The following NEDD1 variants were observed in gnomAD, a reference collection of about 807,000 sequenced individuals.
NEDD1 encodes the protein protein NEDD1.
Under a neutral mutation model 74.0 loss-of-function variants are expected in NEDD1, and 33 were observed. The ratio of observed to expected loss-of-function variants is 0.45; its 90% CI spans 0.34 to 0.60. The LOEUF (loss-of-function observed/expected upper bound fraction) is 0.60. NEDD1 is among the 20% of genes least tolerant of loss of function. The pLI, the probability that NEDD1 is intolerant of heterozygous loss-of-function variation, is 0.01. For synonymous variants in NEDD1, 250 were observed against 264.4 expected (o/e 0.95, Z 0.53); for missense variants, 746 against 776.5 (o/e 0.96, Z 0.47).
intron 6 of NEDD1, among the ~76,000 whole-genome samples, chr12:96,925,752 A>G (rs1250203273): frequency 1.3e-5 from 2 of 152,198 alleles, no homozygotes; most frequent in African/African-American, 4.8e-5. Flanking sequence ...AATTAAATAT[A>G]TCTTTTAGTT....
rs756932203 is a variant in NEDD1, at chr12:96,909,835, G to A, written c.76G>A (p.Asp26Asn). Residue 26 changes from aspartate to asparagine, a missense_variant, in exon 3 of 16, where the codon GAT (aspartate) becomes AAT (asparagine). Transcript: ENST00000266742. ...IWDASSMTLV[D>N]KFNPHTSPHG... ...GGATGCTTCATCTATGACATTGGTG[G>A]ATAAATTCAACCCACACACATCACC... The A allele has an allele frequency of 6.8e-6, 11 of 1,613,362 alleles. No homozygotes were observed. In the South Asian group the frequency reaches 8.8e-5, roughly 13 times the overall value.
In NEDD1 at chr12:96,936,783, G is replaced by A; in HGVS notation, c.892G>A (p.Ala298Thr). The A allele has an allele frequency of 6.2e-7, 1 of 1,610,162 alleles. No individual in the cohort carries two copies. The highest frequency in any genetic ancestry group is 8.5e-7 in the Non-Finnish European group (1 of 1,176,614). ...TCACAAGACATCTGTGCAGTGTATA[G>A]CATTTCAGTACTCCACTGTTCTTAC... is the stretch of plus-strand genomic sequence containing the variant. ...SAHKTSVQCI[A>T]FQYSTVLTKS... Residue 298 changes from alanine to threonine, a missense_variant, in exon 8 of 16, where the codon GCA (alanine) becomes ACA (threonine). Ala to Thr is a moderately conservative substitution (Grantham distance 58). This residue lies in a region of NEDD1 where 706 missense variants were observed against 706.7 expected (regional missense o/e 1.00). Coordinates refer to ENST00000266742, the MANE Select transcript of NEDD1 (RefSeq NM_152905.4).
chr12:96,923,788 TTGTGTGTGTGTGTGTGTGTGTGTGTG>T (rs10528785), intron 6 of NEDD1, among the ~76,000 whole-genome samples: 2 of 142,250 alleles, frequency 1.4e-5, no homozygotes, highest in African/African-American at 5.1e-5. Flanking sequence ...TAATACCTGT[TTGTGTGTGTGTGTGTGTGTGTGTGTG>T]TGTGTGTGTG....
chr12:96,909,261 G>A (rs1410526086), intron 2 of NEDD1, among the ~76,000 whole-genome samples: 2 of 151,986 alleles, frequency 1.3e-5, no homozygotes, highest in Non-Finnish European at 2.9e-5. Flanking sequence ...AAACTGCTAA[G>A]TCCCTTACCA....
intron 3 of NEDD1, 112 bp from the exon 4 acceptor site, chr12:96,912,611 A>G (rs973567339): frequency 4.6e-5 from 28 of 614,522 alleles, no homozygotes; most frequent in Non-Finnish European, 7.9e-5. Context: ...TCTGTAAGCT[A>G]TACTCATTGC....
rs1237151553 is a variant in NEDD1, at chr12:96,942,625, GTAAGAA to G, written c.1294+2_1294+7del. On this transcript the variant is annotated splice_donor_variant and splice_donor_5th_base_variant and intron_variant, in intron 11 of 15. Transcript: ENST00000266742. LOFTEE classifies it high-confidence loss of function. Reference sequence around the variant, plus strand: ...GATGAGTCCATAGGCAAAGGAGATGGTAAGAACTACTTAGAAGTATTTTCGTGAAAA... The same window carrying G: ...GATGAGTCCATAGGCAAAGGAGATGGCTACTTAGAAGTATTTTCGTGAAAA... The G allele has an allele frequency of 4.9e-6, 7 of 1,431,396 alleles. No homozygotes were observed. The Admixed American group carries it at 5.1e-5, about 10-fold the overall frequency. The allele number at this position is 1,431,396 out of a possible 1,614,324, so 88.7% of individuals were successfully genotyped here.
chr12:96,938,260 T>G (rs1158824441), intron 9 of NEDD1, among the ~76,000 whole-genome samples: 2 of 152,048 alleles, frequency 1.3e-5, no homozygotes, highest in African/African-American at 4.8e-5. Flanking sequence ...TGTATCATCC[T>G]TATATAAGAG....
At chr12:96,929,354 TATTTTTTTTTTCCTTAATGTCTTGTA>T (rs1297663056) in intron 6 of NEDD1, among the ~76,000 whole-genome samples, 1 of 43,172 alleles carries the variant, frequency 2.3e-5, no homozygotes, top group Non-Finnish European at 4.8e-5. Context: ...TAATGTCTTG[TATTTTTTTTTTCCTTAATGTCTTGTA>T]TTTTTTTTTT....
chr12:96,938,751 C>T (rs2136595717), intron 9 of NEDD1, among the ~76,000 whole-genome samples: 1 of 152,166 alleles, frequency 6.6e-6, no homozygotes, highest in South Asian at 2.1e-4. Context: ...TACCCTTTGG[C>T]AGATGCACTT....
At chr12:96,943,898 TACA>T in intron 12 of NEDD1, 136 bp downstream of exon 12, 1 of 598,550 alleles carries the variant, frequency 1.7e-6, no homozygotes, top group Middle Eastern at 4.4e-4. Context: ...TTTTAATAAC[TACA>T]GAATACTTTG....
intron 14 of NEDD1, among the ~76,000 whole-genome samples, chr12:96,949,182 T>G (rs1433582328): frequency 6.6e-6 from 1 of 152,202 alleles, no homozygotes; most frequent in Non-Finnish European, 1.5e-5. Flanking sequence ...CAGAGGTAAA[T>G]GAAGAGCTTA....
At position 96,916,630 on chromosome 12, in the gene NEDD1, C is replaced by T. The variant is rs201146185; in HGVS notation, c.232-991C>T. Among the ~76,000 whole-genome samples the T allele has an allele frequency of 4.2e-4, 62 of 148,444 alleles. No individual in the cohort carries two copies. In the East Asian group the frequency reaches 0.012, roughly 29 times the overall value. ...ATAGTATTCCATGGTGTATATGTGCCACATTTTCTTAATCCAGTCTATCAT... is the reference window on the plus strand; with the variant it reads ...ATAGTATTCCATGGTGTATATGTGCTACATTTTCTTAATCCAGTCTATCAT... On this transcript the variant is annotated intron_variant, in intron 4 of 15. Transcript: ENST00000266742.
At chr12:96,920,185 A>T (rs1874916805) in intron 6 of NEDD1, 60 bp downstream of exon 6, 3 of 1,037,946 alleles carry the variant, frequency 2.9e-6, no homozygotes, top group East Asian at 2.8e-5. Context: ...TGTATCTTAC[A>T]TAAGACTGTG....
In NEDD1 at chr12:96,942,639, G is replaced by C; in HGVS notation, c.1294+15G>C. On this transcript the variant is annotated intron_variant, in intron 11 of 15. Coordinates refer to ENST00000266742, the MANE Select transcript of NEDD1 (RefSeq NM_152905.4). ...CAAAGGAGATGGTAAGAACTACTTA[G>C]AAGTATTTTCGTGAAAATGAAAAGT... 1 of 1,358,656 alleles carries C rather than the reference G, an allele frequency of 7.4e-7. No individual in the cohort carries two copies. Among genetic ancestry groups the C allele is most frequent in the Non-Finnish European group, 1.1e-6 (1 of 951,136 alleles). The allele number at this position is 1,358,656 out of a possible 1,614,324, so 84.2% of individuals were successfully genotyped here.
intron 14 of NEDD1, among the ~76,000 whole-genome samples, chr12:96,949,778 T>G (rs575008733): frequency 6.6e-6 from 1 of 152,224 alleles, no homozygotes; most frequent in South Asian, 2.1e-4. Flanking sequence ...CATTGCAGAT[T>G]TATGTGCAAA....
chr12:96,941,303 T>C (rs1877639787), intron 10 of NEDD1, among the ~76,000 whole-genome samples: 1 of 152,076 alleles, frequency 6.6e-6, no homozygotes, highest in Non-Finnish European at 1.5e-5. Context: ...ATCCACTCAT[T>C]ATCTTATACA....
chr12:96,926,096 G>T (rs756362623), intron 6 of NEDD1, among the ~76,000 whole-genome samples: 21 of 152,032 alleles, frequency 1.4e-4, no homozygotes, highest in Non-Finnish European at 3.1e-4. Flanking sequence ...CATTTGGTAA[G>T]AGGTCAGTGG....
In NEDD1 at chr12:96,920,140, T is replaced by C; in HGVS notation, c.489+15T>C. 6.6e-7 allele frequency: 1 copy of C among 1,504,048 alleles called. No homozygotes were observed. Among genetic ancestry groups the C allele is most frequent in the Non-Finnish European group, 9.0e-7 (1 of 1,110,966 alleles). The allele number at this position is 1,504,048 out of a possible 1,614,324, so 93.2% of individuals were successfully genotyped here. A position where few individuals can be genotyped will look rare whatever the true frequency, so the allele number is the denominator to read the frequency against. On this transcript the variant is annotated intron_variant, in intron 6 of 15. Coordinates refer to ENST00000266742, the MANE Select transcript of NEDD1 (RefSeq NM_152905.4). ...GTAGTAACCAGGTACAGTATGAGTT[T>C]ATTCAGAGTAAAATTGGTAAGATAG...
At chr12:96,938,173 CTT>C (rs1262253107) in intron 9 of NEDD1, among the ~76,000 whole-genome samples, 1 of 151,628 alleles carries the variant, frequency 6.6e-6, no homozygotes, top group Non-Finnish European at 1.5e-5. Flanking sequence ...AGAAGCAAAA[CTT>C]TAATTTGTTG....
Sources: allele counts gnomAD v4.1 joint callset (sites outside exome capture counted in the v4.1 genomes callset), GRCh38; gene constraint gnomAD v4.1.1; regional missense constraint gnomAD v4.1.1; transcripts MANE v1.5; gene names NCBI Gene and HGNC (gene_info 2026-07-23, HGNC 2026-07-21).